LURAP1L: variants seen among roughly 807,000 people sequenced by gnomAD.
The protein encoded by LURAP1L is leucine rich adaptor protein 1-like.
A neutral mutation model predicts 13.8 loss-of-function variants in LURAP1L; 12 were observed. That is an observed-to-expected ratio of 0.87 (90% CI 0.56 to 1.41). The LOEUF is 1.41. LURAP1L is among the 40% of genes most tolerant of loss of function. The pLI is 0.00. For synonymous variants in LURAP1L, 139 were observed against 119.2 expected (o/e 1.17, Z -1.08); for missense variants, 375 against 292.9 (o/e 1.28, Z -2.04).
intron 1 of LURAP1L, among the ~76,000 whole-genome samples, chr9:12,818,130 TA>T (rs35502818): frequency 0.026 from 3,094 of 118,994 alleles, 68 homozygotes; most frequent in African/African-American, 0.069. Context: ...TTGCTTCCAC[TA>T]AAAAAAAAAA....
At chr9:12,811,184 A>C (rs1819731171) in intron 1 of LURAP1L, among the ~76,000 whole-genome samples, 1 of 152,214 alleles carries the variant, frequency 6.6e-6, no homozygotes, top group Non-Finnish European at 1.5e-5. Flanking sequence ...AGGAATTCTG[A>C]AAAGCAAGAT....
At chr9:12,778,627 C>T (rs1819224847) in intron 1 of LURAP1L, among the ~76,000 whole-genome samples, 1 of 152,162 alleles carries the variant, frequency 6.6e-6, no homozygotes, top group African/African-American at 2.4e-5. Context: ...TGTCATCTCC[C>T]ATGTCATCAG....
chr9:12,780,740 T>C (rs540650452), intron 1 of LURAP1L, among the ~76,000 whole-genome samples: 855 of 59,234 alleles, frequency 0.014, 9 homozygotes, highest in African/African-American at 0.026. Flanking sequence ...ATATTGTTTC[T>C]TTTTTTTAAA....
At chr9:12,778,167 C>T (rs984301050) in intron 1 of LURAP1L, among the ~76,000 whole-genome samples, 2 of 152,072 alleles carry the variant, frequency 1.3e-5, no homozygotes, top group African/African-American at 2.4e-5. Context: ...GCTTTGAAGC[C>T]AGATAAACCA....
chr9:12,799,623 G>C (rs1174578598), intron 1 of LURAP1L, among the ~76,000 whole-genome samples: 1 of 152,176 alleles, frequency 6.6e-6, no homozygotes, highest in Non-Finnish European at 1.5e-5. Context: ...GCTCACGCCT[G>C]TAATCCCAGC....
rs1441020862 is a variant in LURAP1L at position 12,822,119 on chromosome 9, T to A, written c.*359T>A. 5.3e-6 allele frequency: 1 copy of A among 187,282 alleles called. No homozygotes were observed. Among genetic ancestry groups the A allele is most frequent in the Non-Finnish European group, 1.1e-5 (1 of 89,358 alleles). 11.6% of individuals were successfully genotyped at this position (187,282 alleles called of 1,614,324 possible). A position where few individuals can be genotyped will look rare whatever the true frequency, so the allele number is the denominator to read the frequency against. ...CTAAATTTTACAATAAACCAAAGTC[T>A]GATAACAGTTAATGTTGCTGCTTGC... On this transcript the variant is annotated 3_prime_UTR_variant, in exon 2 of 2. Transcript: ENST00000319264.
At chr9:12,816,416 CT>C (rs898800426) in intron 1 of LURAP1L, among the ~76,000 whole-genome samples, 40 of 152,246 alleles carry the variant, frequency 2.6e-4, no homozygotes, top group African/African-American at 9.6e-4. Context: ...TGCCAAGCCA[CT>C]TTCCCCAAAG....
At chr9:12,788,401 T>C (rs988807938) in intron 1 of LURAP1L, among the ~76,000 whole-genome samples, 3 of 151,986 alleles carry the variant, frequency 2.0e-5, no homozygotes, top group Admixed American at 6.6e-5. Context: ...CACTATATTT[T>C]TAAAAAAAGA....
chr9:12,816,971 C>G (rs979732434), intron 1 of LURAP1L, among the ~76,000 whole-genome samples: 4 of 152,114 alleles, frequency 2.6e-5, no homozygotes, highest in Non-Finnish European at 5.9e-5. Context: ...GTTCATTTTG[C>G]CAAGTGTTTA....
chr9:12,795,107 A>C (rs1051566501), intron 1 of LURAP1L, among the ~76,000 whole-genome samples: 2 of 151,990 alleles, frequency 1.3e-5, no homozygotes, highest in Non-Finnish European at 2.9e-5. Flanking sequence ...TTATCAATTT[A>C]CAACCCAAGC....
intron 1 of LURAP1L, among the ~76,000 whole-genome samples, chr9:12,804,251 G>C (rs1436031552): frequency 1.3e-5 from 2 of 151,740 alleles, no homozygotes; most frequent in African/African-American, 2.4e-5. Context: ...AAGCTCTTTT[G>C]TATCATCTGC....
At chr9:12,810,295 A>G (rs1181849021) in intron 1 of LURAP1L, among the ~76,000 whole-genome samples, 1 of 152,168 alleles carries the variant, frequency 6.6e-6, no homozygotes, top group East Asian at 1.9e-4. Context: ...CAATTCACCA[A>G]TGACAGTTAG....
chr9:12,785,892 T>A (rs1374701191), intron 1 of LURAP1L, among the ~76,000 whole-genome samples: 1 of 152,162 alleles, frequency 6.6e-6, no homozygotes, highest in East Asian at 1.9e-4. Context: ...TTGTTCAACT[T>A]GATGTTTCTG....
intron 1 of LURAP1L, among the ~76,000 whole-genome samples, chr9:12,785,346 C>A (rs1819335037): frequency 6.6e-6 from 1 of 152,086 alleles, no homozygotes; most frequent in South Asian, 2.1e-4. Flanking sequence ...GACACAAGCA[C>A]TCCCTCGGCT....
intron 1 of LURAP1L, 147 bp from the exon 2 acceptor site, chr9:12,821,239 T>A (rs1819876195): frequency 1.1e-6 from 1 of 918,868 alleles, no homozygotes; most frequent in Non-Finnish European, 1.6e-6. Context: ...AGTCAGCAAT[T>A]ATCAAAAAGT....
chr9:12,795,784 A>G (rs1015015346), intron 1 of LURAP1L, among the ~76,000 whole-genome samples: 2 of 152,066 alleles, frequency 1.3e-5, no homozygotes, highest in African/African-American at 4.8e-5. Context: ...CTTGGGTACC[A>G]AACGGTCTCC....
At chr9:12,817,154 A>G (rs1226587553) in intron 1 of LURAP1L, among the ~76,000 whole-genome samples, 1 of 152,228 alleles carries the variant, frequency 6.6e-6, no homozygotes, top group Non-Finnish European at 1.5e-5. Flanking sequence ...AATCTGGAGA[A>G]GGAATAGAAG....
Position 12,821,760 on chromosome 9 carries a change from G to A in LURAP1L, c.687G>A (p.Ter229=). 1.2e-6 allele frequency: 2 copies of A among 1,606,814 alleles called. No homozygotes were observed. The highest frequency in any genetic ancestry group is 1.7e-6 in the Non-Finnish European group (2 of 1,174,340). ...ATTCTGAATACTACTGCTTTGGCTA[G>A]TGACAGTTTTTTGCATGGGACTGGT... ...KLDSEYYCFG[*] Residue 229 remains the stop codon, a stop_retained_variant, in exon 2 of 2, where the codon TAG becomes TAA. Coordinates refer to ENST00000319264, the MANE Select transcript of LURAP1L (RefSeq NM_203403.2).
At chr9:12,805,501 G>T (rs1212314492) in intron 1 of LURAP1L, among the ~76,000 whole-genome samples, 1 of 152,032 alleles carries the variant, frequency 6.6e-6, no homozygotes, top group African/African-American at 2.4e-5. Context: ...TCAAGCAAAA[G>T]ACACACAGTC....
Sources: allele counts gnomAD v4.1 joint callset (sites outside exome capture counted in the v4.1 genomes callset), GRCh38; gene constraint gnomAD v4.1.1; transcripts MANE v1.5; gene names NCBI Gene and HGNC (gene_info 2026-07-23, HGNC 2026-07-21).